The following CHLSN variants were observed in gnomAD, a reference collection of about 807,000 sequenced individuals.
The protein encoded by CHLSN is cholesin, also known as protein cholesin.
At chr7:1,032,148 G>C in the CHLSN span, among the ~76,000 whole-genome samples, 3 of 152,194 alleles carry the variant, frequency 2.0e-5, no homozygotes, top group Non-Finnish European at 4.4e-5. Flanking sequence ...CCACGCCCCA[G>C]AGAATGCAGG....
chr7:1,025,151 G>A, the CHLSN span: 2 of 152,414 alleles, frequency 1.3e-5, no homozygotes, highest in East Asian at 1.9e-4. Context: ...CTGCTCAGGA[G>A]GCAGCTCTGG....
chr7:1,102,050 G>GGCA, the CHLSN span, among the ~76,000 whole-genome samples: 1 of 152,234 alleles, frequency 6.6e-6, no homozygotes, highest in Non-Finnish European at 1.5e-5. Context: ...ACAGGGGCTG[G>GGCA]GCAGCATGTC....
chr7:1,008,999 A>ACG, the CHLSN span, among the ~76,000 whole-genome samples: 1 of 49,588 alleles, frequency 2.0e-5, no homozygotes, highest in Non-Finnish European at 4.1e-5. Context: ...ACACACATAC[A>ACG]CGCACACACA....
At chr7:1,088,766 G>A in the CHLSN span, among the ~76,000 whole-genome samples, 2 of 152,134 alleles carry the variant, frequency 1.3e-5, no homozygotes, top group Non-Finnish European at 2.9e-5. The surrounding 1 kb of genome is among the most constrained non-coding windows in gnomAD (Gnocchi z 4.5). Context: ...TCTATGACAA[G>A]CAGAGGAAAT....
At chr7:1,083,039 G>C in the CHLSN span, among the ~76,000 whole-genome samples, 215 of 152,290 alleles carry the variant, frequency 1.4e-3, 1 homozygote, top group African/African-American at 5.0e-3. Context: ...CGGATATTCC[G>C]CCATGTGCTC....
At chr7:1,119,139 TATTCTAACCAGG>T in the CHLSN span, among the ~76,000 whole-genome samples, 1 of 152,062 alleles carries the variant, frequency 6.6e-6, no homozygotes, top group African/African-American at 2.4e-5. Context: ...GTTAATAGGA[TATTCTAACCAGG>T]ATTCTAAGAC....
the CHLSN span, chr7:1,024,430 G>GGAGAGACGCAGGAGCCCCAGGGGACAA: frequency 6.6e-6 from 1 of 152,254 alleles, no homozygotes; most frequent in South Asian, 2.1e-4. Context: ...CCATGGGACA[G>GGAGAGACGCAGGAGCCCCAGGGGACAA]GAGAGACGCA....
the CHLSN span, among the ~76,000 whole-genome samples, chr7:1,071,683 A>T: frequency 0.019 from 2,934 of 152,268 alleles, 111 homozygotes; most frequent in East Asian, 0.18. Context: ...TCAGGAGGGC[A>T]CCGTCGCCAC....
At chr7:1,000,513 G>C in the CHLSN span, 1 of 1,609,748 alleles carries the variant, frequency 6.2e-7, no homozygotes, top group Non-Finnish European at 8.5e-7. Context: ...CGTCTGCCTC[G>C]TCTTCTGAAA....
chr7:1,001,011 A>T, the CHLSN span, among the ~76,000 whole-genome samples: 1 of 152,182 alleles, frequency 6.6e-6, no homozygotes, highest in Non-Finnish European at 1.5e-5. Flanking sequence ...GGGGACGAGC[A>T]GCTCCCGGCT....
the CHLSN span, among the ~76,000 whole-genome samples, chr7:1,082,564 C>G: frequency 6.6e-6 from 1 of 152,234 alleles, no homozygotes; most frequent in Non-Finnish European, 1.5e-5. Flanking sequence ...CCACGCACCA[C>G]ACTCTCACCC....
the CHLSN span, among the ~76,000 whole-genome samples, chr7:1,081,603 G>T: frequency 6.6e-6 from 1 of 152,358 alleles, no homozygotes; most frequent in Non-Finnish European, 1.5e-5. Context: ...ACGTCGTTTG[G>T]TAGCCAGGTA....
the CHLSN span, among the ~76,000 whole-genome samples, chr7:1,068,623 T>A: frequency 6.6e-6 from 1 of 152,140 alleles, no homozygotes; most frequent in Non-Finnish European, 1.5e-5. Context: ...GATGCCTGCT[T>A]GTCGGCCTCC....
the CHLSN span, among the ~76,000 whole-genome samples, chr7:1,019,560 C>T: frequency 6.6e-6 from 1 of 152,358 alleles, no homozygotes; most frequent in African/African-American, 2.4e-5. Context: ...AGCCCTGAGT[C>T]CAAGAAGGCA....
At chr7:994,299 T>G in the CHLSN span, among the ~76,000 whole-genome samples, 1 of 151,654 alleles carries the variant, frequency 6.6e-6, no homozygotes, top group African/African-American at 2.4e-5. Context: ...CTGGGATCAC[T>G]ACAGGCGCCC....
the CHLSN span, among the ~76,000 whole-genome samples, chr7:1,006,710 C>A: frequency 1.1e-4 from 17 of 150,942 alleles, no homozygotes; most frequent in Non-Finnish European, 1.9e-4. Context: ...AGGGAAAGAG[C>A]GCATGACGGT....
the CHLSN span, among the ~76,000 whole-genome samples, chr7:1,098,295 A>C: frequency 6.6e-6 from 1 of 152,240 alleles, no homozygotes; most frequent in Non-Finnish European, 1.5e-5. Context: ...AAGAACCGGA[A>C]ACATGCATCC....
the CHLSN span, among the ~76,000 whole-genome samples, chr7:1,084,785 T>C: frequency 6.6e-6 from 1 of 152,176 alleles, no homozygotes; most frequent in Admixed American, 6.5e-5. Context: ...GGTGAGGAAG[T>C]GGAACCCGGG....
the CHLSN span, chr7:1,058,541 C>A: frequency 2.6e-6 from 2 of 764,640 alleles, no homozygotes; most frequent in African/African-American, 3.4e-5. Flanking sequence ...CCTGGGGAGA[C>A]GTGACTCTGG....
Sources: allele counts gnomAD v4.1 joint callset (sites outside exome capture counted in the v4.1 genomes callset), GRCh38; gene constraint gnomAD v4.1.1; non-coding constraint Gnocchi (gnomAD v3.1); transcripts MANE v1.5; gene names NCBI Gene and HGNC (gene_info 2026-07-23, HGNC 2026-07-21).